GPC6: variants seen among roughly 807,000 people sequenced by gnomAD.
The protein encoded by GPC6 is glypican 6, also known as glypican-6.
A neutral mutation model predicts 55.2 loss-of-function variants in GPC6; 14 were observed. That is an observed-to-expected ratio of 0.25 (90% confidence interval 0.17 to 0.40). The LOEUF is 0.40. Among genes scored for constraint, GPC6 ranks in the 10% least tolerant of loss-of-function variants. The pLI is 1.00. For synonymous variants in GPC6, 278 were observed against 259.6 expected, an observed-to-expected ratio of 1.07 and a Z score of -0.68; for missense variants, 641 against 708.5, an observed-to-expected ratio of 0.90 and a Z score of 1.08.
Position 93,901,513 on chromosome 13 carries a change from T to C in GPC6, c.711+70968T>C, listed in dbSNP as rs1244492554. 3.9e-5 allele frequency among the ~76,000 whole-genome samples: 6 copies of C among 152,166 alleles called. No individual in the cohort carries two copies. In the South Asian group the frequency reaches 1.2e-3, roughly 32 times the overall value. ...TCAGTATTTTTAATACTGATTTTGT[T>C]CTGAAACCAATTGTTTGAAAATTCT... is the stretch of plus-strand genomic sequence containing the variant. On this transcript the variant is annotated intron_variant, in intron 3 of 8. Transcript: ENST00000377047.
intron 3 of GPC6, among the ~76,000 whole-genome samples, chr13:93,856,848 T>C (rs1198163544): frequency 1.3e-5 from 2 of 151,572 alleles, no homozygotes; most frequent in South Asian, 2.1e-4. Flanking sequence ...CCAGACCTGG[T>C]TCATTGTGCC....
At chr13:93,610,729 T>C (rs1237687675) in intron 2 of GPC6, among the ~76,000 whole-genome samples, 1 of 152,166 alleles carries the variant, frequency 6.6e-6, no homozygotes, top group Non-Finnish European at 1.5e-5. Flanking sequence ...TGAAAATAGC[T>C]TCATAAAATA....
chr13:94,263,295 C>T (rs901606436), intron 4 of GPC6, among the ~76,000 whole-genome samples: 1 of 152,218 alleles, frequency 6.6e-6, no homozygotes, highest in Non-Finnish European at 1.5e-5. Context: ...CTTCCATTTG[C>T]AGATGTAAAT....
chr13:94,247,314 C>T (rs72645997), intron 4 of GPC6, among the ~76,000 whole-genome samples: 5,791 of 152,036 alleles, frequency 0.038, 172 homozygotes, highest in South Asian at 0.057. Context: ...TTACTTATTC[C>T]TTCCTGATTT....
At chr13:93,783,730 A>G (rs1885732315) in intron 2 of GPC6, among the ~76,000 whole-genome samples, 1 of 152,088 alleles carries the variant, frequency 6.6e-6, no homozygotes, top group African/African-American at 2.4e-5. Context: ...TTCTCCTACC[A>G]TCATATCCTA....
At chr13:94,264,629 G>A (rs1474299417) in intron 4 of GPC6, among the ~76,000 whole-genome samples, 2 of 152,190 alleles carry the variant, frequency 1.3e-5, no homozygotes, top group Non-Finnish European at 1.5e-5. Flanking sequence ...AGATAATCAA[G>A]TATTGTGGAA....
At chr13:93,636,941 T>C (rs574628248) in intron 2 of GPC6, among the ~76,000 whole-genome samples, 15 of 152,018 alleles carry the variant, frequency 9.9e-5, no homozygotes, top group South Asian at 4.2e-4. Flanking sequence ...TTTTTTTTTT[T>C]TCTCTCTCCT....
chr13:94,179,153 G>A lies in GPC6; in HGVS notation c.878-107196G>A, dbSNP rs140216274. Among the ~76,000 whole-genome samples, 95 of 152,304 alleles carry A rather than the reference G, an allele frequency of 6.2e-4. 1 individual carries two copies. The highest frequency in any genetic ancestry group is 3.4e-3 in the Middle Eastern group (1 of 294). ...CCTGATCATGTATTCATCATCTCCA[G>A]TATCCTCACCCTCCTGCATATCTTT... On this transcript the variant is annotated intron_variant, in intron 4 of 8. Transcript: ENST00000377047.
At chr13:94,143,991 G>C (rs987703742) in intron 4 of GPC6, among the ~76,000 whole-genome samples, 1 of 152,148 alleles carries the variant, frequency 6.6e-6, no homozygotes, top group African/African-American at 2.4e-5. Flanking sequence ...CTTTATAGGC[G>C]CATATTTTGT....
chr13:93,542,684 TTC>T lies in GPC6; in HGVS notation c.161-2575_161-2574del, dbSNP rs910768687. Among the ~76,000 whole-genome samples, 136 of 152,304 alleles carry T rather than the reference TTC, an allele frequency of 8.9e-4. 1 individual carries two copies. Among genetic ancestry groups the T allele is most frequent in the African/African-American group, 3.2e-3 (133 of 41,576 alleles). On this transcript the variant is annotated intron_variant, in intron 1 of 8. Coordinates refer to ENST00000377047, the MANE Select transcript of GPC6 (RefSeq NM_005708.5). ...TGGAATGTTCTTCCATTTGTTTGTA[TTC>T]TCTTTTATTTTATTGAGCAGTGATT...
intron 3 of GPC6, among the ~76,000 whole-genome samples, chr13:93,831,641 T>C (rs1293308695): frequency 6.6e-6 from 1 of 152,040 alleles, no homozygotes; most frequent in East Asian, 1.9e-4. Flanking sequence ...GTTTCTCTAT[T>C]GCACTGTCAG....
chr13:94,024,134 CAA>C (rs1491005522), intron 3 of GPC6, among the ~76,000 whole-genome samples: 1 of 151,268 alleles, frequency 6.6e-6, no homozygotes. Flanking sequence ...CACACACACA[CAA>C]GTGAATACAG....
At chr13:93,524,078 T>C (rs1881554782) in intron 1 of GPC6, among the ~76,000 whole-genome samples, 1 of 151,954 alleles carries the variant, frequency 6.6e-6, no homozygotes, top group African/African-American at 2.4e-5. Context: ...GCATGTAAAT[T>C]TGGGGCTCAC....
chr13:94,369,646 G>A (rs1323945920), intron 6 of GPC6, among the ~76,000 whole-genome samples: 2 of 152,166 alleles, frequency 1.3e-5, no homozygotes, highest in Non-Finnish European at 2.9e-5. Context: ...TCCCCCAGGT[G>A]TCCATCTTAC....
chr13:93,422,541 A>G (rs1305216746), intron 1 of GPC6, among the ~76,000 whole-genome samples: 1 of 152,200 alleles, frequency 6.6e-6, no homozygotes, highest in African/African-American at 2.4e-5. Flanking sequence ...CCTACAATCT[A>G]TTGAGGTAAT....
intron 4 of GPC6, among the ~76,000 whole-genome samples, chr13:94,177,858 C>A (rs1270203024): frequency 6.6e-6 from 1 of 152,040 alleles, no homozygotes; most frequent in African/African-American, 2.4e-5. Context: ...ACAACTTAAT[C>A]ATTGTCATCT....
intron 3 of GPC6, among the ~76,000 whole-genome samples, chr13:93,994,784 A>G (rs1035381186): frequency 6.6e-6 from 1 of 152,178 alleles, no homozygotes; most frequent in African/African-American, 2.4e-5. Flanking sequence ...GTTTTGGTAC[A>G]ATATCCAGTA....
At chr13:94,300,441 T>C (rs185745366) in intron 5 of GPC6, among the ~76,000 whole-genome samples, 4 of 152,310 alleles carry the variant, frequency 2.6e-5, no homozygotes, top group African/African-American at 9.6e-5. Context: ...ACACCTCCTC[T>C]TCCTTCCCAT....
intron 1 of GPC6, among the ~76,000 whole-genome samples, chr13:93,244,837 A>C (rs1876546430): frequency 6.6e-6 from 1 of 152,180 alleles, no homozygotes; most frequent in Non-Finnish European, 1.5e-5. Flanking sequence ...GTTCCTTCTT[A>C]GATAAAAGTG....
Sources: gnomAD v4.1 joint callset for allele counts (sites outside exome capture counted in the v4.1 genomes callset) on GRCh38, gnomAD v4.1.1 for gene constraint, MANE v1.5 for transcripts, NCBI Gene and HGNC (gene_info 2026-07-23, HGNC 2026-07-21) for gene names.